Variants in CCDC192 observed in about 807,000 individuals in gnomAD.
The protein encoded by CCDC192 is coiled-coil domain-containing protein 192.
intron 6 of CCDC192, among the ~76,000 whole-genome samples, chr5:127,895,209 TG>T (rs1752846555): frequency 1.3e-5 from 2 of 152,154 alleles, no homozygotes; most frequent in South Asian, 4.1e-4. Context: ...TGGTTAGAGC[TG>T]AACAGTGGCC....
chr5:127,750,909 C>G (rs970916623), intron 2 of CCDC192, among the ~76,000 whole-genome samples: 1 of 150,206 alleles, frequency 6.7e-6, no homozygotes, highest in Non-Finnish European at 1.5e-5. Context: ...GGTTTAAAGT[C>G]TGTTTTATCA....
intron 3 of CCDC192, among the ~76,000 whole-genome samples, chr5:127,765,844 A>T (rs1235959122): frequency 1.3e-5 from 2 of 152,154 alleles, no homozygotes; most frequent in African/African-American, 4.8e-5. Flanking sequence ...CATGTTCCTT[A>T]TTCATATTTC....
At chr5:127,935,053 G>T (rs1322788648) in intron 6 of CCDC192, among the ~76,000 whole-genome samples, 1 of 152,132 alleles carries the variant, frequency 6.6e-6, no homozygotes, top group African/African-American at 2.4e-5. Flanking sequence ...TAAATACTTG[G>T]CAGCCTTAGT....
intron 3 of CCDC192, among the ~76,000 whole-genome samples, chr5:127,764,411 C>T (rs1162639596): frequency 2.0e-5 from 3 of 152,180 alleles, no homozygotes; most frequent in Non-Finnish European, 4.4e-5. Flanking sequence ...GGATTCAAGA[C>T]AGATCCCAAG....
At chr5:127,933,028 G>C (rs1311412900) in intron 6 of CCDC192, among the ~76,000 whole-genome samples, 11 of 152,180 alleles carry the variant, frequency 7.2e-5, no homozygotes, top group Admixed American at 7.2e-4. Flanking sequence ...AATTGTGCAG[G>C]CAGAGGAAAT....
chr5:127,704,685 C>A (rs1750858971), intron 1 of CCDC192, among the ~76,000 whole-genome samples: 1 of 151,956 alleles, frequency 6.6e-6, no homozygotes, highest in Non-Finnish European at 1.5e-5. Flanking sequence ...GGGAGTAAGG[C>A]TTTATCCATT....
At chr5:127,733,512 G>T (rs1752764176) in intron 2 of CCDC192, among the ~76,000 whole-genome samples, 2 of 152,126 alleles carry the variant, frequency 1.3e-5, no homozygotes, top group Admixed American at 1.3e-4. Flanking sequence ...CCTCGCATCA[G>T]TCAGATTCAT....
chr5:127,746,677 G>A (rs959262584), intron 2 of CCDC192, among the ~76,000 whole-genome samples: 9 of 151,294 alleles, frequency 5.9e-5, no homozygotes, highest in African/African-American at 2.2e-4. Context: ...AGGGATCCGA[G>A]GACAATTGGT....
At chr5:127,760,427 A>C (rs940378869) in intron 3 of CCDC192, among the ~76,000 whole-genome samples, 1 of 152,222 alleles carries the variant, frequency 6.6e-6, no homozygotes, top group Admixed American at 6.5e-5. Flanking sequence ...CTTTTTGATG[A>C]GAGGTCTGGG....
At chr5:127,734,897 A>G (rs1305393985) in intron 2 of CCDC192, among the ~76,000 whole-genome samples, 1 of 151,272 alleles carries the variant, frequency 6.6e-6, no homozygotes, top group Non-Finnish European at 1.5e-5. Context: ...CTCTGATGGT[A>G]GTTTCTTTTA....
At chr5:127,844,788 T>C (rs766833105) in intron 5 of CCDC192, among the ~76,000 whole-genome samples, 6 of 152,172 alleles carry the variant, frequency 3.9e-5, no homozygotes, top group Non-Finnish European at 7.3e-5. Flanking sequence ...TTTCGTACCA[T>C]GTGGTGCCAG....
In CCDC192 at chr5:127,734,636, G is replaced by A. The variant is rs1307764872; in HGVS notation, c.115-19632G>A. On this transcript the variant is annotated intron_variant, in intron 2 of 6. Transcript: ENST00000514853. ...TAGCCATTCTAACTGGTGTGAGATG[G>A]TATCTCATTGTGGTTTTGATTTGCA... is the stretch of plus-strand genomic sequence containing the variant. Among the ~76,000 whole-genome samples the A allele has an allele frequency of 1.3e-4, 19 of 141,936 alleles. No individual in the cohort carries two copies. In the South Asian group the frequency reaches 2.3e-3, roughly 17 times the overall value. The allele number at this position is 141,936 out of a possible 152,430, so 93.1% of individuals were successfully genotyped here.
intron 5 of CCDC192, among the ~76,000 whole-genome samples, chr5:127,863,710 A>G (rs1358093060): frequency 6.6e-6 from 1 of 152,210 alleles, no homozygotes; most frequent in African/African-American, 2.4e-5. Flanking sequence ...TATGTTATGC[A>G]CTTTAAAATC....
intron 5 of CCDC192, among the ~76,000 whole-genome samples, chr5:127,852,060 C>T (rs931741840): frequency 2.0e-5 from 3 of 152,098 alleles, no homozygotes; most frequent in African/African-American, 4.8e-5. Flanking sequence ...TTTATGGTCC[C>T]CTCTCTGCTG....
At chr5:127,780,490 T>C (rs1448941089) in intron 3 of CCDC192, among the ~76,000 whole-genome samples, 1 of 152,326 alleles carries the variant, frequency 6.6e-6, no homozygotes, top group South Asian at 2.1e-4. Context: ...ATCTACTGTT[T>C]TTTTATTTTT....
intron 3 of CCDC192, among the ~76,000 whole-genome samples, chr5:127,791,115 T>A (rs1756841809): frequency 6.6e-6 from 1 of 152,144 alleles, no homozygotes; most frequent in African/African-American, 2.4e-5. Flanking sequence ...CCTAACAAGT[T>A]TGGAAGGAGA....
intron 5 of CCDC192, among the ~76,000 whole-genome samples, chr5:127,869,099 G>A (rs1751736301): frequency 6.6e-6 from 1 of 152,170 alleles, no homozygotes. Context: ...GAGGCAGGTG[G>A]ATCATCTGAG....
At chr5:127,838,755 A>G (rs983460220) in intron 5 of CCDC192, 1 of 152,232 alleles carries the variant, frequency 6.6e-6, no homozygotes. Flanking sequence ...CAGATTGCCT[A>G]GACCCCAATT....
In CCDC192 at chr5:127,739,506, A is replaced by G. The variant is rs180939511; in HGVS notation, c.115-14762A>G. The G allele has an allele frequency of 5.0e-3, 811 of 161,846 alleles. 11 individuals are homozygous for G. Among genetic ancestry groups the G allele is most frequent in the African/African-American group, 0.019 (782 of 41,662 alleles). The allele number at this position is 161,846 out of a possible 1,614,324, so 10.0% of individuals were successfully genotyped here. ...TTGTTTACCTAATCAAGCCGGGGCAATGGTGGGCGCCCCTCCCCCAGCCTC... is the reference window on the plus strand; with the variant it reads ...TTGTTTACCTAATCAAGCCGGGGCAGTGGTGGGCGCCCCTCCCCCAGCCTC... On this transcript the variant is annotated intron_variant, in intron 2 of 6. Coordinates refer to ENST00000514853, the MANE Select transcript of CCDC192 (RefSeq NM_001317938.2).
Sources: allele counts gnomAD v4.1 joint callset (sites outside exome capture counted in the v4.1 genomes callset), GRCh38; gene constraint gnomAD v4.1.1; transcripts MANE v1.5; gene names NCBI Gene and HGNC (gene_info 2026-07-23, HGNC 2026-07-21).